The following MYT1L variants were observed in gnomAD, a reference collection of about 807,000 sequenced individuals.
MYT1L encodes myelin transcription factor 1 like.
A neutral mutation model predicts 126.7 loss-of-function variants in MYT1L; 12 were observed. That is an observed-to-expected ratio of 0.09 (90% CI 0.06 to 0.15). The LOEUF (loss-of-function observed/expected upper bound fraction) is 0.15. Among genes scored for constraint, MYT1L ranks in the 10% least tolerant of loss-of-function variants. The pLI is 1.00. For synonymous variants in MYT1L, 541 were observed against 604.2 expected, an observed-to-expected ratio of 0.90 and a Z score of 1.53; for missense variants, 979 against 1,585.2, an observed-to-expected ratio of 0.62 and a Z score of 6.49.
intron 1 of MYT1L, among the ~76,000 whole-genome samples, chr2:2,310,443 T>C (rs2095948292): frequency 6.6e-6 from 1 of 152,120 alleles, no homozygotes; most frequent in Non-Finnish European, 1.5e-5. Context: ...TTATCTATAC[T>C]CCATCTACAC....
At chr2:2,152,377 T>C (rs2085950774) in intron 3 of MYT1L, among the ~76,000 whole-genome samples, 1 of 152,222 alleles carries the variant, frequency 6.6e-6, no homozygotes, top group Admixed American at 6.5e-5. Context: ...GAATTTTCCA[T>C]TTGGCATTCT....
intron 18 of MYT1L, among the ~76,000 whole-genome samples, chr2:1,872,518 AT>A (rs2046399607): frequency 6.6e-6 from 1 of 152,230 alleles, no homozygotes; most frequent in Non-Finnish European, 1.5e-5. Flanking sequence ...AAGTCTGAAT[AT>A]TTTTAAATTG....
chr2:1,842,863 T>TC (rs2041942556), intron 19 of MYT1L: 1 of 97,076 alleles, frequency 1.0e-5, no homozygotes, highest in South Asian at 2.5e-4. Flanking sequence ...TCCTCGTCTG[T>TC]CCAGCTTCCG....
At chr2:1,809,221 G>T in intron 21 of MYT1L, 54 bp from the exon 22 acceptor site, 3 of 1,539,506 alleles carry the variant, frequency 1.9e-6, no homozygotes, top group Non-Finnish European at 2.7e-6. Flanking sequence ...TCCCAGCCCT[G>T]CAGGGAAGTG....
chr2:1,922,739 T>C lies in MYT1L; in HGVS notation c.1030A>G (p.Thr344Ala). 1 of 1,613,900 alleles carries C rather than the reference T, an allele frequency of 6.2e-7. No individual in the cohort carries two copies. The highest frequency in any genetic ancestry group is 1.1e-5 in the South Asian group (1 of 91,086). Residue 344 changes from threonine (T) to alanine (A), a missense_variant, in exon 10 of 25, where the codon ACC becomes GCC. Physicochemically the swap from Thr to Ala is moderately conservative, Grantham distance 58 (BLOSUM62 0). Coordinates refer to ENST00000647738, the MANE Select transcript of MYT1L (RefSeq NM_001303052.2). The surrounding 1 kb of genome is among the most constrained non-coding windows in gnomAD (Gnocchi z 7.4). Reference protein sequence around the residue: ...CFDLARKLSETNPQERNPQQN... With the variant: ...CFDLARKLSEANPQERNPQQN... ...TGCGGATTCCTCTCCTGCGGGTTGG[T>C]CTCACTGAGCTTCCTGGCCAGGTCG... is the stretch of plus-strand genomic sequence containing the variant.
intron 2 of MYT1L, among the ~76,000 whole-genome samples, chr2:2,257,095 TG>T (rs1298946230): frequency 1.3e-5 from 2 of 152,148 alleles, no homozygotes; most frequent in Non-Finnish European, 2.9e-5. Flanking sequence ...GGAATTGGAA[TG>T]GGGTCCAGAA....
intron 4 of MYT1L, among the ~76,000 whole-genome samples, chr2:1,999,245 T>C (rs917980084): frequency 2.0e-5 from 3 of 152,202 alleles, no homozygotes; most frequent in African/African-American, 7.2e-5. Flanking sequence ...AATTTCTAAA[T>C]GTGATGATCT....
chr2:1,973,850 A>C (rs2059982001), intron 8 of MYT1L, among the ~76,000 whole-genome samples: 1 of 152,180 alleles, frequency 6.6e-6, no homozygotes, highest in Non-Finnish European at 1.5e-5. Flanking sequence ...CAGGCCTCCC[A>C]CACCAATGCA....
chr2:2,012,552 C>T (rs1333177619), intron 4 of MYT1L, among the ~76,000 whole-genome samples: 1 of 152,184 alleles, frequency 6.6e-6, no homozygotes, highest in Non-Finnish European at 1.5e-5. Context: ...CTGTGACTAT[C>T]ATAGGCCCGC....
chr2:2,158,804 C>G (rs547271422), intron 3 of MYT1L, among the ~76,000 whole-genome samples: 31 of 152,150 alleles, frequency 2.0e-4, no homozygotes, highest in African/African-American at 7.2e-4. Flanking sequence ...TATGATGACA[C>G]GTGTCTTTCA....
At position 1,922,558 on chromosome 2, in the gene MYT1L, C is replaced by T. The variant is rs370168626; in HGVS notation, c.1211G>A (p.Gly404Glu). The T allele has an allele frequency of 6.2e-7, 1 of 1,613,996 alleles. No homozygotes were observed. Among genetic ancestry groups the T allele is most frequent in the Non-Finnish European group, 8.5e-7 (1 of 1,179,902 alleles). Residue 404 changes from glycine to glutamate, a missense_variant, in exon 10 of 25, where the codon GGG becomes GAG. By Grantham distance (98) the Gly-to-Glu change is moderately conservative. Transcript: ENST00000647738. This position sits in a 1 kb window ranked among gnomAD's most constrained non-coding sequence, Gnocchi z 7.4. The stretch of plus-strand genomic sequence containing the variant: ...GGTATCGTCGTCCCGCTCATGACAC[C>T]CATCCTCCTTCGCACAGCTGGCAAA... Reference protein sequence around the residue: ...RVFASCAKEDGCHERDDDTTS... With the variant: ...RVFASCAKEDECHERDDDTTS...
At chr2:2,134,906 C>T (rs1415826618) in intron 3 of MYT1L, among the ~76,000 whole-genome samples, 1 of 152,208 alleles carries the variant, frequency 6.6e-6, no homozygotes, top group Non-Finnish European at 1.5e-5. Flanking sequence ...AGGTAGCTGC[C>T]TACCCAGGTG....
At chr2:2,005,817 G>A (rs904830668) in intron 4 of MYT1L, among the ~76,000 whole-genome samples, 7 of 136,660 alleles carry the variant, frequency 5.1e-5, no homozygotes, top group Middle Eastern at 5.6e-3. Context: ...TCCTGCATGC[G>A]TTCTTTCCTG....
rs1383329369 is a variant in MYT1L, at chr2:2,059,185, G to A, written c.-303-5062C>T. ...GCCGTTCCCATTTCTCTGAACAAAGGGTGCCTGGCTGAGTGGGCCTGCAGT... is the reference window on the plus strand; with the variant it reads ...GCCGTTCCCATTTCTCTGAACAAAGAGTGCCTGGCTGAGTGGGCCTGCAGT... On this transcript the variant is annotated intron_variant, in intron 3 of 24. Transcript: ENST00000647738. This position sits in a 1 kb window ranked among gnomAD's most constrained non-coding sequence, Gnocchi z 4.7. Among the ~76,000 whole-genome samples, 4 of 152,136 alleles carry A rather than the reference G, an allele frequency of 2.6e-5. No homozygotes were observed. The highest frequency in any genetic ancestry group is 5.9e-5 in the Non-Finnish European group (4 of 68,032).
chr2:2,032,199 G>A (rs1251129583), intron 4 of MYT1L, among the ~76,000 whole-genome samples: 1 of 75,756 alleles, frequency 1.3e-5, no homozygotes, highest in Non-Finnish European at 2.4e-5. Flanking sequence ...GCCCAGAGCA[G>A]ATTCTAGAAG....
At chr2:2,018,088 GT>G (rs1314456608) in intron 4 of MYT1L, among the ~76,000 whole-genome samples, 1 of 152,202 alleles carries the variant, frequency 6.6e-6, no homozygotes, top group African/African-American at 2.4e-5. Flanking sequence ...ATTCAAAAGA[GT>G]AAAGCCTGCA....
intron 18 of MYT1L, among the ~76,000 whole-genome samples, chr2:1,873,809 T>C (rs1359866982): frequency 6.6e-6 from 1 of 152,182 alleles, no homozygotes; most frequent in Non-Finnish European, 1.5e-5. Flanking sequence ...CTTGACTTCC[T>C]GAGAGTAGAC....
intron 2 of MYT1L, among the ~76,000 whole-genome samples, chr2:2,236,802 C>CTTTTTTT (rs1559421069): frequency 5.5e-5 from 1 of 18,240 alleles, no homozygotes; most frequent in Non-Finnish European, 8.6e-5. Context: ...TCTTCTTCTT[C>CTTTTTTT]TTCTTCTTCT....
chr2:2,014,420 C>T (rs879869712), intron 4 of MYT1L, among the ~76,000 whole-genome samples: 7 of 152,262 alleles, frequency 4.6e-5, no homozygotes, highest in South Asian at 2.1e-4. Context: ...CTGGGAAGGC[C>T]GGTCATCCTG....
Sources: gnomAD v4.1 joint callset for allele counts (sites outside exome capture counted in the v4.1 genomes callset) on GRCh38, gnomAD v4.1.1 for gene constraint, Gnocchi (gnomAD v3.1) non-coding constraint, MANE v1.5 for transcripts, NCBI Gene and HGNC (gene_info 2026-07-23, HGNC 2026-07-21) for gene names.